The following BOC variants were observed in gnomAD, a reference collection of about 807,000 sequenced individuals.
BOC encodes brother of CDO.
A neutral mutation model predicts 112.0 loss-of-function variants in BOC; 76 were observed. The observed-to-expected ratio is 0.68, with a 90% CI of 0.56 to 0.82. The LOEUF (loss-of-function observed/expected upper bound fraction) is 0.82, where lower values mean the gene tolerates loss of function less well. BOC is among the 40% of genes least tolerant of loss of function. BOC has a pLI of 0.00. For missense variants in BOC, 1,309 were observed against 1,511.7 expected (o/e 0.87, Z 2.22); for synonymous variants, 580 against 599.8 (o/e 0.97, Z 0.48).
intron 4 of BOC, chr3:113,251,895 G>A (rs370328713): frequency 1.3e-5 from 2 of 152,336 alleles, no homozygotes; most frequent in South Asian, 4.1e-4. Flanking sequence ...ATAGCTGGAA[G>A]AGGAGCCTTA....
intron 2 of BOC, among the ~76,000 whole-genome samples, chr3:113,227,305 G>T (rs56258317): frequency 6.6e-6 from 1 of 152,192 alleles, no homozygotes; most frequent in South Asian, 2.1e-4. Flanking sequence ...GGACCTCAAG[G>T]CCTCTGCGCA....
intron 4 of BOC, among the ~76,000 whole-genome samples, chr3:113,263,146 G>A (rs1164443693): frequency 6.6e-6 from 1 of 152,230 alleles, no homozygotes; most frequent in Non-Finnish European, 1.5e-5. Flanking sequence ...CTTGGAGGTT[G>A]TGACAGTTGG....
At chr3:113,268,503 C>T (rs1576463921) in intron 5 of BOC, 58 bp downstream of exon 5, 1 of 1,546,212 alleles carries the variant, frequency 6.5e-7, no homozygotes, top group Admixed American at 1.8e-5. Flanking sequence ...CTGGCCTCCT[C>T]CAACCGCTCG....
intron 2 of BOC, among the ~76,000 whole-genome samples, chr3:113,248,718 A>G (rs994104203): frequency 6.6e-6 from 1 of 152,206 alleles, no homozygotes; most frequent in African/African-American, 2.4e-5. Flanking sequence ...TGTGATTTTG[A>G]TAAATCTTGT....
chr3:113,272,844 G>A, intron 7 of BOC, 141 bp downstream of exon 7: 1 of 1,165,020 alleles, frequency 8.6e-7, no homozygotes, highest in Non-Finnish European at 1.2e-6. Context: ...ATGCTGAAGA[G>A]TCAGGGCTCT....
chr3:113,273,117 G>T lies in BOC; in HGVS notation c.1010G>T (p.Gly337Val), dbSNP rs779056545. Residue 337 changes from glycine to valine, a missense_variant, in exon 8 of 20, where the codon GGC (glycine) becomes GTC (valine). Physicochemically the swap from Gly to Val is moderately radical, Grantham distance 109. Transcript: ENST00000682979. ...MELSQLVIPW[G>V]QSAKLTCEVR... Reference sequence around the variant, plus strand: ...CTATCCCAGCTGGTCATCCCCTGGGGCCAGAGTGCCAAGCTTACCTGTGAG... The same window carrying T: ...CTATCCCAGCTGGTCATCCCCTGGGTCCAGAGTGCCAAGCTTACCTGTGAG... The T allele has an allele frequency of 1.9e-6, 3 of 1,611,802 alleles. No individual in the cohort carries two copies. Among genetic ancestry groups the T allele is most frequent in the Non-Finnish European group, 2.5e-6 (3 of 1,178,182 alleles).
chr3:113,245,599 A>G (rs556548926), intron 2 of BOC, among the ~76,000 whole-genome samples: 8 of 152,262 alleles, frequency 5.3e-5, no homozygotes, highest in African/African-American at 1.9e-4. Flanking sequence ...CTTTAAGACA[A>G]TTGGGAAAGG....
intron 4 of BOC, among the ~76,000 whole-genome samples, chr3:113,263,067 G>C (rs1947067493): frequency 6.6e-6 from 1 of 152,250 alleles, no homozygotes; most frequent in Non-Finnish European, 1.5e-5. Context: ...TGCTCCAGTA[G>C]AGCAGAATCC....
intron 4 of BOC, among the ~76,000 whole-genome samples, chr3:113,261,510 T>C (rs964852461): frequency 1.3e-5 from 2 of 152,200 alleles, no homozygotes; most frequent in Admixed American, 6.5e-5. Flanking sequence ...GTAGATGAGA[T>C]GGTCTACAGA....
At chr3:113,284,239 C>G (rs560141593) in intron 16 of BOC, 96 bp from the exon 17 acceptor site, 1 of 1,024,252 alleles carries the variant, frequency 9.8e-7, no homozygotes, top group African/African-American at 1.6e-5. Context: ...CTTCAACCCT[C>G]TGTGGCCAGG....
At chr3:113,280,684 T>A in intron 14 of BOC, 21 bp downstream of exon 14, 2 of 1,549,026 alleles carry the variant, frequency 1.3e-6, no homozygotes, top group Non-Finnish European at 1.8e-6. Context: ...GTTCTGTGTT[T>A]ATAGCTTCTG....
chr3:113,286,048 T>C (rs1289862312), intron 19 of BOC, among the ~76,000 whole-genome samples: 1 of 152,144 alleles, frequency 6.6e-6, no homozygotes, highest in Non-Finnish European at 1.5e-5. Context: ...TCCACGGAAC[T>C]TTTTCTCCAA....
At chr3:113,275,779 T>C (rs1049273558) in intron 9 of BOC, among the ~76,000 whole-genome samples, 12 of 152,204 alleles carry the variant, frequency 7.9e-5, no homozygotes, top group Admixed American at 1.3e-4. Flanking sequence ...GTGCGGAAGC[T>C]GTTTCCCTGC....
chr3:113,250,616 G>A lies in BOC; in HGVS notation c.159G>A (p.Val53=), dbSNP rs145098152. 6.8e-6 allele frequency: 11 copies of A among 1,614,114 alleles called. No homozygotes were observed. Among genetic ancestry groups the A allele is most frequent in the Non-Finnish European group, 8.5e-6 (10 of 1,180,056 alleles). The change falls in exon 4 of 20, where the codon GTG becomes GTA. Residue 53 remains valine (V), a synonymous_variant. Transcript: ENST00000682979. Reference sequence around the variant, plus strand: ...CCGTCCAGAAGCCCGGAGGCACTGTGATCTTGGGCTGCGTGGTGGAACCTC... The same window carrying A: ...CCGTCCAGAAGCCCGGAGGCACTGTAATCTTGGGCTGCGTGGTGGAACCTC... ...ASTVQKPGGT[V]ILGCVVEPPR...
chr3:113,211,706 GCGCACAGACACA>G lies in BOC; in HGVS notation c.-478_-467del, dbSNP rs1353173922. The G allele has an allele frequency of 1.3e-5, 2 of 151,742 alleles. No homozygotes were observed. The highest frequency in any genetic ancestry group is 4.8e-5 in the African/African-American group (2 of 41,256). The allele number at this position is 151,742 out of a possible 1,614,324, so 9.4% of individuals were successfully genotyped here. A position where few individuals can be genotyped will look rare whatever the true frequency, so the allele number is the denominator to read the frequency against. ...CCCGCCGGTGTCAGCCGCCGCGCGC[GCGCACAGACACA>G]CACACAGAGACACACAAACACACAC... On this transcript the variant is annotated 5_prime_UTR_variant, in exon 1 of 20. Coordinates refer to ENST00000682979, the MANE Select transcript of BOC (RefSeq NM_001378074.1).
upstream of BOC, chr3:113,211,158 G>A (rs1938095524): frequency 6.6e-6 from 1 of 152,342 alleles, no homozygotes; most frequent in Non-Finnish European, 1.5e-5. Flanking sequence ...CCATTGAGAG[G>A]TGGGTGTCAG....
chr3:113,283,180 G>A (rs78399715), intron 15 of BOC, among the ~76,000 whole-genome samples: 1,814 of 152,202 alleles, frequency 0.012, 41 homozygotes, highest in African/African-American at 0.041. Flanking sequence ...CAGACATCTC[G>A]CTCTGCTTTG....
Position 113,216,594 on chromosome 3 carries a change from C to T in BOC, c.-82+320C>T, listed in dbSNP as rs552923493. 1.3e-4 allele frequency among the ~76,000 whole-genome samples: 20 copies of T among 152,262 alleles called. No homozygotes were observed. The Middle Eastern group carries it at 0.01, about 78-fold the overall frequency. On this transcript the variant is annotated intron_variant, in intron 2 of 19. Transcript: ENST00000682979. ...CCGCGTAGGTTTGGGTGAGGAAAGC[C>T]ATGTGTTTATGTCTCTGTCAGTGGT...
intron 5 of BOC, among the ~76,000 whole-genome samples, 163 bp downstream of exon 5, chr3:113,268,608 C>T (rs963740641): frequency 3.9e-5 from 6 of 152,194 alleles, no homozygotes; most frequent in African/African-American, 1.4e-4. Context: ...GTCCTCCTCC[C>T]CTTTTTTTCC....
Sources: gnomAD v4.1 joint callset for allele counts (sites outside exome capture counted in the v4.1 genomes callset) on GRCh38, gnomAD v4.1.1 for gene constraint, MANE v1.5 for transcripts, NCBI Gene and HGNC (gene_info 2026-07-23, HGNC 2026-07-21) for gene names.